CDH13: variants seen among roughly 807,000 people sequenced by gnomAD.
CDH13 encodes the protein cadherin 13, also known as cadherin-13.
Under a neutral mutation model 63.8 loss-of-function variants are expected in CDH13, and 24 were observed. The ratio of observed to expected loss-of-function variants is 0.38; its 90% CI spans 0.27 to 0.53. The LOEUF (loss-of-function observed/expected upper bound fraction) is 0.53. Among genes scored for constraint, CDH13 ranks in the 20% least tolerant of loss-of-function variants. CDH13 has a pLI of 0.85. For synonymous variants in CDH13, 503 were observed against 355.3 expected (o/e 1.42, Z -4.67); for missense variants, 1,049 against 903.1 (o/e 1.16, Z -2.07).
chr16:83,507,626 C>T (rs1250427181), intron 7 of CDH13, among the ~76,000 whole-genome samples: 1 of 152,184 alleles, frequency 6.6e-6, no homozygotes, highest in Admixed American at 6.5e-5. Flanking sequence ...TGCTAGCCTT[C>T]CTGTGGGCAT....
rs139320029 is a variant in CDH13 at position 83,090,157 on chromosome 16, C to A, written c.367-35228C>A. On this transcript the variant is annotated intron_variant, in intron 3 of 13. Transcript: ENST00000567109. ...TTCCTCCTACCCCAGGTCCCAGCTT[C>A]TCCACTTCTCTCCAACTACCTCCCA... Among the ~76,000 whole-genome samples the A allele has an allele frequency of 3.6e-3, 546 of 152,298 alleles. 4 individuals are homozygous for A. Among genetic ancestry groups the A allele is most frequent in the African/African-American group, 0.012 (517 of 41,574 alleles).
Position 83,318,870 on chromosome 16 carries a change from G to A in CDH13, c.637-25992G>A, listed in dbSNP as rs373201380. The stretch of plus-strand genomic sequence containing the variant: ...ATGGGCATAGTTGATCGAATCCTGT[G>A]CTAGATGCTAGAAAATCAGAGATAG... On this transcript the variant is annotated intron_variant, in intron 5 of 13. Transcript: ENST00000567109. Among the ~76,000 whole-genome samples, 5 of 152,182 alleles carry A rather than the reference G, an allele frequency of 3.3e-5. No individual in the cohort carries two copies. In the South Asian group the frequency reaches 1.0e-3, roughly 32 times the overall value.
At chr16:83,528,423 G>C (rs2075009901) in intron 7 of CDH13, among the ~76,000 whole-genome samples, 1 of 152,142 alleles carries the variant, frequency 6.6e-6, no homozygotes, top group South Asian at 2.1e-4. Flanking sequence ...GGGCGGTCTG[G>C]ATGGGCTGGT....
At chr16:82,880,967 C>T (rs1242711494) in intron 2 of CDH13, among the ~76,000 whole-genome samples, 1 of 152,130 alleles carries the variant, frequency 6.6e-6, no homozygotes, top group Non-Finnish European at 1.5e-5. Flanking sequence ...ATTTTTAAAG[C>T]CTTTAGACAT....
chr16:83,225,507 C>G (rs560313175), intron 5 of CDH13, among the ~76,000 whole-genome samples: 4 of 152,252 alleles, frequency 2.6e-5, no homozygotes, highest in African/African-American at 9.6e-5. Context: ...TGTTTCTCAG[C>G]CAGAGATGAA....
chr16:82,998,233 T>C (rs1912466227), intron 2 of CDH13, among the ~76,000 whole-genome samples: 1 of 152,230 alleles, frequency 6.6e-6, no homozygotes, highest in Non-Finnish European at 1.5e-5. Flanking sequence ...AACTATTTTC[T>C]AAAACGCATT....
intron 4 of CDH13, among the ~76,000 whole-genome samples, chr16:83,195,668 G>A (rs552048839): frequency 5.3e-5 from 8 of 151,954 alleles, no homozygotes; most frequent in African/African-American, 1.7e-4. Flanking sequence ...ATTACAATTC[G>A]ACATGAGATT....
At chr16:82,637,192 G>C (rs1299199153) in intron 1 of CDH13, among the ~76,000 whole-genome samples, 1 of 152,188 alleles carries the variant, frequency 6.6e-6, no homozygotes, top group African/African-American at 2.4e-5. Context: ...ACTGAATGAA[G>C]TTTGATGTGT....
intron 3 of CDH13, among the ~76,000 whole-genome samples, chr16:83,079,403 G>A (rs1179681198): frequency 2.6e-5 from 4 of 152,192 alleles, no homozygotes; most frequent in Non-Finnish European, 4.4e-5. Flanking sequence ...CATACTGGAT[G>A]TGGAACTGAA....
chr16:83,111,525 G>A (rs929550125), intron 3 of CDH13, among the ~76,000 whole-genome samples: 1 of 152,196 alleles, frequency 6.6e-6, no homozygotes, highest in African/African-American at 2.4e-5. Flanking sequence ...TACATCACAT[G>A]GGAGAGAGTT....
At chr16:82,963,908 C>A (rs1016909791) in intron 2 of CDH13, among the ~76,000 whole-genome samples, 3 of 152,158 alleles carry the variant, frequency 2.0e-5, no homozygotes, top group Admixed American at 1.3e-4. Flanking sequence ...ATAGAGACCC[C>A]CAGCCTGCTC....
Position 82,656,214 on chromosome 16 carries a change from C to T in CDH13, c.45+29077C>T, listed in dbSNP as rs114255563. On this transcript the variant is annotated intron_variant, in intron 1 of 13. Transcript: ENST00000567109. ...GGAGTGGGGGCTTCAAGCAGAGAAT[C>T]AGTGGTTCAAAGGCACAGGGTAGAA... Among the ~76,000 whole-genome samples, 389 of 151,958 alleles carry T rather than the reference C, an allele frequency of 2.6e-3. 2 individuals carry two copies. Among genetic ancestry groups the T allele is most frequent in the African/African-American group, 9.0e-3 (373 of 41,416 alleles).
chr16:82,785,850 C>G (rs1175581358), intron 1 of CDH13, among the ~76,000 whole-genome samples: 1 of 152,286 alleles, frequency 6.6e-6, no homozygotes, highest in East Asian at 1.9e-4. Context: ...CAAGTTACTT[C>G]TATATAGAAG....
intron 4 of CDH13, among the ~76,000 whole-genome samples, chr16:83,144,349 G>T (rs916620837): frequency 1.3e-5 from 2 of 152,084 alleles, no homozygotes; most frequent in Non-Finnish European, 2.9e-5. Context: ...TATTTATAAA[G>T]GATGCTAACT....
rs368240081 is a variant in CDH13, at chr16:83,217,541, G to A, written c.636+44G>A. The A allele has an allele frequency of 3.9e-4, 610 of 1,579,000 alleles. 4 individuals carry two copies. The highest frequency in any genetic ancestry group is 3.8e-3 in the Middle Eastern group (21 of 5,554). On this transcript the variant is annotated intron_variant, in intron 5 of 13. Transcript: ENST00000567109. ...TGCCCACCCTGTGCGCAGAAATGTGGCTTTCAAAGATTGTTTTCTTCCCAC... is the reference window on the plus strand; with the variant it reads ...TGCCCACCCTGTGCGCAGAAATGTGACTTTCAAAGATTGTTTTCTTCCCAC...
intron 7 of CDH13, among the ~76,000 whole-genome samples, chr16:83,599,517 A>G (rs1215090184): frequency 6.6e-6 from 1 of 152,252 alleles, no homozygotes; most frequent in East Asian, 1.9e-4. Flanking sequence ...AACCAAAAAA[A>G]TTTTTAAAAA....
At chr16:83,652,172 CAGT>C (rs1246661138) in intron 8 of CDH13, among the ~76,000 whole-genome samples, 2 of 152,216 alleles carry the variant, frequency 1.3e-5, no homozygotes, top group South Asian at 2.1e-4. Flanking sequence ...AAATGGGAAT[CAGT>C]GGTGCAAACA....
chr16:83,015,432 T>C lies in CDH13; in HGVS notation c.158-16578T>C, dbSNP rs1374828047. ...TGCTAAAAAGAGAAAAAAAAAAGTG[T>C]CATTCTTTTCTGCCTGATATCTTCC... On this transcript the variant is annotated intron_variant, in intron 2 of 13. Transcript: ENST00000567109. Among the ~76,000 whole-genome samples the C allele has an allele frequency of 4.0e-5, 6 of 151,458 alleles. No homozygotes were observed. The East Asian group carries it at 1.2e-3, about 29-fold the overall frequency.
chr16:83,730,835 C>A (rs1910962106), intron 10 of CDH13, among the ~76,000 whole-genome samples: 1 of 152,136 alleles, frequency 6.6e-6, no homozygotes. Context: ...TTCTAGTAGT[C>A]CCCAATGTCT....
Sources: gnomAD v4.1 joint callset for allele counts (sites outside exome capture counted in the v4.1 genomes callset) on GRCh38, gnomAD v4.1.1 for gene constraint, MANE v1.5 for transcripts, NCBI Gene and HGNC (gene_info 2026-07-23, HGNC 2026-07-21) for gene names.